Variants in DST observed in about 807,000 individuals in gnomAD.
The protein encoded by DST is dystonin.
Under a neutral mutation model 875.2 loss-of-function variants are expected in DST, and 253 were observed. The ratio of observed to expected loss-of-function variants is 0.29; its 90% confidence interval spans 0.26 to 0.32. DST has a LOEUF of 0.32. Among genes scored for constraint, DST ranks in the 10% least tolerant of loss-of-function variants. DST has a pLI of 1.00. For synonymous variants in DST, 3,124 were observed against 3,197.1 expected, an observed-to-expected ratio of 0.98 and a Z score of 0.77; for missense variants, 8,287 against 9,111.6, an observed-to-expected ratio of 0.91 and a Z score of 3.68.
chr6:56,872,848 G>C (rs1219890157), intron 3 of DST, among the ~76,000 whole-genome samples: 1 of 95,972 alleles, frequency 1.0e-5, no homozygotes, highest in Non-Finnish European at 2.0e-5. Context: ...TTTTTTTTCG[G>C]ATATATACCC....
intron 10 of DST, among the ~76,000 whole-genome samples, chr6:56,655,270 C>T (rs1390021406): frequency 6.6e-6 from 1 of 151,050 alleles, no homozygotes; most frequent in Non-Finnish European, 1.5e-5. Context: ...GAAACAACAT[C>T]AAAGTACTTG....
rs755268481 is a variant in DST at position 56,517,280 on chromosome 6, T to C, written c.18275A>G (p.His6092Arg). 4 of 1,612,954 alleles carry C rather than the reference T, an allele frequency of 2.5e-6. No homozygotes were observed. The highest frequency in any genetic ancestry group is 1.7e-5 in the Admixed American group (1 of 60,012). The change falls in exon 71 of 104, where the codon CAC (histidine) becomes CGC (arginine). Residue 6092 changes from histidine (H) to arginine (R), a missense_variant. Physicochemically the swap from His to Arg is conservative, Grantham distance 29. This residue lies in a region of DST where 777 missense variants were observed against 764.8 expected (regional missense o/e 1.02). Coordinates refer to ENST00000680361, the MANE Select transcript of DST (RefSeq NM_001374736.1). ...AACAAGGTCATCAATAATATCCTTG[T>C]GTCTCAAAATCTCCATGGTGAATGT... ...QKTFTMEILR[H>R]KDIIDDLVKS...
At position 56,557,027 on chromosome 6, in the gene DST, A is replaced by C. The variant is rs201025779; in HGVS notation, c.14640+292T>G. 2.0e-5 allele frequency among the ~76,000 whole-genome samples: 3 copies of C among 152,224 alleles called. No homozygotes were observed. The East Asian group carries it at 5.8e-4, about 29-fold the overall frequency. On this transcript the variant is annotated intron_variant, in intron 59 of 103. Transcript: ENST00000680361. ...CTTAATTGCATTAATACTTCAAAGA[A>C]GGCCCTTTTAACCAGATCTGTACCA...
chr6:56,948,341 T>C (rs991333116), intron 2 of DST, among the ~76,000 whole-genome samples: 1 of 152,208 alleles, frequency 6.6e-6, no homozygotes, highest in East Asian at 1.9e-4. Context: ...TATGGGGCCA[T>C]TATTAAGTAA....
intron 10 of DST, among the ~76,000 whole-genome samples, chr6:56,660,567 C>G (rs1192670987): frequency 6.6e-6 from 1 of 150,972 alleles, no homozygotes; most frequent in East Asian, 1.9e-4. Flanking sequence ...CTTAGCATGT[C>G]CTTACTGTTC....
At position 56,578,915 on chromosome 6, in the gene DST, C is replaced by T. The variant is rs996264313; in HGVS notation, c.12926G>A (p.Ser4309Asn). Residue 4309 changes from serine to asparagine, a missense_variant, in exon 50 of 104, where the codon AGT (serine) becomes AAT (asparagine). By Grantham distance (46) the Ser-to-Asn change is conservative. Around this residue, in one of 10 missense-constraint regions of DST, gnomAD observed 1,513 missense variants for 1,677.8 expected, o/e 0.90. Coordinates refer to ENST00000680361, the MANE Select transcript of DST (RefSeq NM_001374736.1). ...CAGTTTCTCTACAGCAACCTGCTGA[C>T]TTGATATCTGTCCTTGCAAAGCCTG... ...ETKALQGQISSQQVAVEKLKK... is the reference protein window; with the variant it reads ...ETKALQGQISNQQVAVEKLKK... 2 of 1,600,198 alleles carry T rather than the reference C, an allele frequency of 1.2e-6. No individual in the cohort carries two copies. The highest frequency in any genetic ancestry group is 2.7e-5 in the African/African-American group (2 of 74,776).
intron 44 of DST, 139 bp downstream of exon 44, chr6:56,601,304 T>TAGG: frequency 1.6e-6 from 1 of 607,394 alleles, no homozygotes; most frequent in Non-Finnish European, 2.9e-6. Flanking sequence ...TTATACACTG[T>TAGG]AGGATTTGTA....
intron 23 of DST, 132 bp downstream of exon 23, chr6:56,636,425 T>G: frequency 2.9e-6 from 2 of 700,714 alleles, no homozygotes; most frequent in Admixed American, 2.0e-5. Context: ...CACATATATG[T>G]GTATATATAT....
chr6:56,870,501 G>A (rs1200112962), intron 3 of DST, among the ~76,000 whole-genome samples: 2 of 148,448 alleles, frequency 1.3e-5, no homozygotes, highest in African/African-American at 2.5e-5. Flanking sequence ...AGTGGCTCAC[G>A]CCTGTAATCC....
intron 46 of DST, 81 bp from the exon 47 acceptor site, chr6:56,598,087 G>A: frequency 7.6e-7 from 1 of 1,314,024 alleles, no homozygotes; most frequent in Non-Finnish European, 1.0e-6. Context: ...TAAATACTTA[G>A]AACATTTTAA....
At chr6:56,504,325 T>C (rs1045935041) in intron 77 of DST, among the ~76,000 whole-genome samples, 2 of 152,168 alleles carry the variant, frequency 1.3e-5, no homozygotes, top group African/African-American at 2.4e-5. Flanking sequence ...AGAAATTGTT[T>C]ATTCAATAGA....
chr6:56,683,272 G>A (rs1190557966), intron 9 of DST, among the ~76,000 whole-genome samples: 7 of 152,118 alleles, frequency 4.6e-5, no homozygotes, highest in Admixed American at 2.0e-4. Flanking sequence ...AAACACATTC[G>A]TGATACACCT....
chr6:56,738,153 A>C (rs1157318627), intron 4 of DST, among the ~76,000 whole-genome samples: 1 of 152,172 alleles, frequency 6.6e-6, no homozygotes, highest in East Asian at 1.9e-4. Context: ...TCAGGGAGAA[A>C]AAAAAGGTAC....
chr6:56,854,275 T>C (rs1766752217), intron 3 of DST, among the ~76,000 whole-genome samples: 1 of 152,050 alleles, frequency 6.6e-6, no homozygotes, highest in South Asian at 2.1e-4. Flanking sequence ...ATATGTTCTC[T>C]CACCCAAAGG....
intron 3 of DST, chr6:56,871,511 A>G (rs1777079165): frequency 7.6e-6 from 11 of 1,447,166 alleles, no homozygotes; most frequent in African/African-American, 1.4e-5. Flanking sequence ...TTAAGGGCTT[A>G]GAGGTAGATT....
intron 93 of DST, 82 bp downstream of exon 93, chr6:56,473,791 C>T: frequency 1.4e-6 from 2 of 1,389,024 alleles, no homozygotes; most frequent in Non-Finnish European, 9.8e-7. Flanking sequence ...CACCAATTGC[C>T]CCCAAATTTC....
intron 50 of DST, among the ~76,000 whole-genome samples, chr6:56,578,207 C>CA (rs60586501): frequency 2.0e-5 from 3 of 151,742 alleles, no homozygotes; most frequent in Non-Finnish European, 4.4e-5. Context: ...CCCATCTCTA[C>CA]AAAAAAAATT....
At chr6:56,613,416 C>G (rs1431279319) in intron 37 of DST, among the ~76,000 whole-genome samples, 1 of 152,140 alleles carries the variant, frequency 6.6e-6, no homozygotes, top group South Asian at 2.1e-4. Context: ...CCAAGTAAGA[C>G]AAGGCACTGG....
intron 54 of DST, among the ~76,000 whole-genome samples, chr6:56,568,944 G>A (rs958795106): frequency 1.3e-5 from 2 of 152,144 alleles, no homozygotes; most frequent in Admixed American, 1.3e-4. Context: ...ACAAATAAAA[G>A]GTACTAGGAA....
Sources: gnomAD v4.1 joint callset for allele counts (sites outside exome capture counted in the v4.1 genomes callset) on GRCh38, gnomAD v4.1.1 for gene constraint, gnomAD v4.1.1 regional missense constraint, MANE v1.5 for transcripts, NCBI Gene and HGNC (gene_info 2026-07-23, HGNC 2026-07-21) for gene names.